Variants in MKLN1 observed in about 807,000 individuals in gnomAD.
MKLN1 encodes muskelin 1.
A neutral mutation model predicts 99.0 loss-of-function variants in MKLN1; 18 were observed. The ratio of observed to expected loss-of-function variants is 0.18; its 90% CI spans 0.13 to 0.27. MKLN1 has a LOEUF of 0.27. Ranked by LOEUF, MKLN1 falls within the 10% of genes least tolerant of loss-of-function variation. The probability of loss-of-function intolerance (pLI) is 1.00; values close to 1 mark genes in which losing one functional copy is unlikely to be tolerated. For synonymous variants in MKLN1, 288 were observed against 293.2 expected (o/e 0.98, Z 0.18); for missense variants, 621 against 875.9 (o/e 0.71, Z 3.67).
At chr7:131,110,100 T>G, upstream of MKLN1, 1 of 280,298 alleles carries the variant, frequency 3.6e-6, no homozygotes, top group South Asian at 3.0e-5. Context: ...GGGAGGAACC[T>G]GATCCTCCGG....
intron 1 of MKLN1, among the ~76,000 whole-genome samples, chr7:131,371,111 TTTC>T (rs1793435883): frequency 6.6e-6 from 1 of 152,176 alleles, no homozygotes; most frequent in South Asian, 2.1e-4. Flanking sequence ...CTTTAATTTT[TTTC>T]TTTTTTGTGT....
intron 4 of MKLN1, among the ~76,000 whole-genome samples, chr7:131,394,594 A>T (rs998456734): frequency 2.6e-5 from 4 of 152,034 alleles, no homozygotes; most frequent in Non-Finnish European, 4.4e-5. Flanking sequence ...CTGGGTTCCT[A>T]ACAGGCCAGG....
At chr7:131,466,443 T>G (rs1454665520) in intron 15 of MKLN1, 28 bp downstream of exon 15, 2 of 1,480,062 alleles carry the variant, frequency 1.4e-6, no homozygotes, top group Non-Finnish European at 1.8e-6. Context: ...TGAAAACATT[T>G]AATTAACATT....
intron 1 of MKLN1, among the ~76,000 whole-genome samples, chr7:131,130,677 T>C (rs1223647937): frequency 3.3e-5 from 5 of 152,226 alleles, no homozygotes; most frequent in Non-Finnish European, 5.9e-5. Flanking sequence ...GGAACAGTAT[T>C]ATTCAGTATT....
chr7:131,445,946 T>G, intron 12 of MKLN1, 43 bp downstream of exon 12: 1 of 1,422,426 alleles, frequency 7.0e-7, no homozygotes, highest in East Asian at 2.4e-5. Flanking sequence ...CTTAACTACT[T>G]TAGGTAGAAA....
At chr7:131,458,534 A>G (rs1455899850) in intron 12 of MKLN1, among the ~76,000 whole-genome samples, 3 of 152,202 alleles carry the variant, frequency 2.0e-5, no homozygotes, top group Non-Finnish European at 4.4e-5. Context: ...ACTATTCTAT[A>G]TTATTAACAC....
intron 1 of MKLN1, among the ~76,000 whole-genome samples, chr7:131,329,549 G>A (rs768854386): frequency 6.6e-6 from 1 of 152,136 alleles, no homozygotes. Context: ...TGGACAGTTG[G>A]GAATTGGTGT....
chr7:131,327,790 G>A (rs1054747782), upstream of MKLN1: 5 of 1,451,020 alleles, frequency 3.4e-6, no homozygotes, highest in African/African-American at 4.3e-5. Context: ...GCGGGGCGGG[G>A]AGCGCGGGCG....
chr7:131,247,307 G>A (rs562199264), intron 3 of MKLN1, among the ~76,000 whole-genome samples: 2 of 147,960 alleles, frequency 1.4e-5, no homozygotes, highest in South Asian at 2.2e-4. Context: ...TCTGCCTTCC[G>A]GGTTGAAGCG....
At chr7:131,318,102 A>T (rs1465097202) in intron 3 of MKLN1, among the ~76,000 whole-genome samples, 1 of 152,192 alleles carries the variant, frequency 6.6e-6, no homozygotes, top group African/African-American at 2.4e-5. Context: ...GCTCTGGATC[A>T]AGTGGACTTA....
At chr7:131,464,233 C>T in intron 13 of MKLN1, 61 bp from the exon 14 acceptor site, 1 of 980,776 alleles carries the variant, frequency 1.0e-6, no homozygotes, top group Non-Finnish European at 1.5e-6. Context: ...AATTTGCTTG[C>T]TACAGTTGTA....
chr7:131,348,333 A>G (rs1284471487), intron 1 of MKLN1, among the ~76,000 whole-genome samples: 1 of 152,224 alleles, frequency 6.6e-6, no homozygotes. Context: ...TCCAGCATAC[A>G]ACTACAGCCA....
At chr7:131,325,920 G>C (rs534307575), upstream of MKLN1, among the ~76,000 whole-genome samples, 1 of 151,428 alleles carries the variant, frequency 6.6e-6, no homozygotes, top group Non-Finnish European at 1.5e-5. Context: ...GTGGTGGTGA[G>C]GAAGCTGGAG....
intron 4 of MKLN1, among the ~76,000 whole-genome samples, chr7:131,389,547 T>C (rs1214028078): frequency 6.6e-6 from 1 of 152,126 alleles, no homozygotes; most frequent in Non-Finnish European, 1.5e-5. Flanking sequence ...TTGAAAAATA[T>C]TACCTTAAGG....
intron 6 of MKLN1, among the ~76,000 whole-genome samples, chr7:131,409,081 T>C (rs1389377072): frequency 6.6e-6 from 1 of 152,208 alleles, no homozygotes; most frequent in Non-Finnish European, 1.5e-5. Flanking sequence ...TAAACAGAAA[T>C]AATTTTTGAA....
chr7:131,266,122 C>T (rs1797803525), intron 3 of MKLN1, among the ~76,000 whole-genome samples: 2 of 146,014 alleles, frequency 1.4e-5, no homozygotes, highest in Admixed American at 1.4e-4. Context: ...TGCAGTGAGC[C>T]GAGGTCATGC....
rs553573359 is a variant in MKLN1 at position 131,320,476 on chromosome 7, C to A, written c.-178-54948C>A. 5.6e-4 allele frequency among the ~76,000 whole-genome samples: 86 copies of A among 152,266 alleles called. No homozygotes were observed. The Middle Eastern group carries it at 0.014, about 24-fold the overall frequency. ...TGTAAAACCCCAAGCCATAAAAACC[C>A]TAGAAGAAAACCTAGGCAATACCAT... On this transcript the variant is annotated intron_variant, in intron 3 of 7. Coordinates refer to the MKLN1 transcript ENST00000416992.
intron 3 of MKLN1, among the ~76,000 whole-genome samples, chr7:131,292,358 G>A (rs1584895298): frequency 6.6e-6 from 1 of 152,186 alleles, no homozygotes; most frequent in African/African-American, 2.4e-5. Flanking sequence ...AGGGTCATCT[G>A]TAGATGATAA....
At chr7:131,257,929 G>A (rs771602009) in intron 3 of MKLN1, among the ~76,000 whole-genome samples, 2 of 151,926 alleles carry the variant, frequency 1.3e-5, no homozygotes, top group South Asian at 2.1e-4. Context: ...AGACCAGCCC[G>A]GGCAACATAA....
Sources: allele counts gnomAD v4.1 joint callset (sites outside exome capture counted in the v4.1 genomes callset), GRCh38; gene constraint gnomAD v4.1.1; transcripts MANE v1.5; gene names NCBI Gene and HGNC (gene_info 2026-07-23, HGNC 2026-07-21).